Variants in OXSR1 observed in about 807,000 individuals in gnomAD.
OXSR1 encodes serine/threonine-protein kinase OSR1.
A neutral mutation model predicts 79.8 loss-of-function variants in OXSR1; 24 were observed. The ratio of observed to expected loss-of-function variants is 0.30; its 90% confidence interval spans 0.22 to 0.42. The LOEUF is 0.42. Ranked by LOEUF, OXSR1 falls within the 10% of genes least tolerant of loss-of-function variation. The probability of loss-of-function intolerance (pLI) is 1.00; values close to 1 mark genes in which losing one functional copy is unlikely to be tolerated. For synonymous variants in OXSR1, 226 were observed against 209.2 expected (o/e 1.08, Z -0.69); for missense variants, 430 against 618.4 (o/e 0.70, Z 3.23).
chr3:38,182,259 G>A (rs1220394902), intron 1 of OXSR1, among the ~76,000 whole-genome samples: 1 of 152,200 alleles, frequency 6.6e-6, no homozygotes, highest in East Asian at 1.9e-4. Context: ...CTGCTGCTAA[G>A]GGCAGATTGG....
At chr3:38,177,328 C>G (rs533774353) in intron 1 of OXSR1, among the ~76,000 whole-genome samples, 55 of 152,306 alleles carry the variant, frequency 3.6e-4, no homozygotes, top group African/African-American at 1.3e-3. Context: ...AGGATGGGAT[C>G]TGAGAGGGAG....
chr3:38,232,156 C>T (rs1702822121), intron 10 of OXSR1, among the ~76,000 whole-genome samples: 2 of 151,898 alleles, frequency 1.3e-5, no homozygotes, highest in South Asian at 2.1e-4. Flanking sequence ...TGGTGACTCA[C>T]GCTTGTAATC....
At chr3:38,246,586 G>T (rs1018979868) in intron 13 of OXSR1, among the ~76,000 whole-genome samples, 1 of 152,058 alleles carries the variant, frequency 6.6e-6, no homozygotes, top group Non-Finnish European at 1.5e-5. Context: ...GTTCACTCAG[G>T]CTTATACTTT....
At chr3:38,213,213 A>G (rs2125829756) in intron 4 of OXSR1, among the ~76,000 whole-genome samples, 1 of 152,334 alleles carries the variant, frequency 6.6e-6, no homozygotes, top group East Asian at 1.9e-4. Flanking sequence ...AAGTCTTCTC[A>G]GCATCACTGA....
intron 4 of OXSR1, among the ~76,000 whole-genome samples, chr3:38,204,119 C>T (rs1221776851): frequency 6.6e-6 from 1 of 152,194 alleles, no homozygotes; most frequent in African/African-American, 2.4e-5. Flanking sequence ...GCCACCACTG[C>T]CCCAAGCTCA....
At chr3:38,174,013 T>A (rs1220266522) in intron 1 of OXSR1, among the ~76,000 whole-genome samples, 1 of 152,128 alleles carries the variant, frequency 6.6e-6, no homozygotes, top group Non-Finnish European at 1.5e-5. Flanking sequence ...GGAAGTTTGT[T>A]CCAAGCAGAG....
At chr3:38,183,892 A>G (rs934399482) in intron 2 of OXSR1, among the ~76,000 whole-genome samples, 2 of 152,154 alleles carry the variant, frequency 1.3e-5, no homozygotes, top group Non-Finnish European at 2.9e-5. Context: ...ATTACTTATT[A>G]TTGTTTCAAA....
chr3:38,230,165 A>T (rs1000341159), intron 9 of OXSR1, among the ~76,000 whole-genome samples, 200 bp from the exon 10 acceptor site: 1 of 152,210 alleles, frequency 6.6e-6, no homozygotes, highest in African/African-American at 2.4e-5. Context: ...AGTGTACTAC[A>T]TCTTAATTTT....
intron 8 of OXSR1, among the ~76,000 whole-genome samples, chr3:38,226,364 A>G (rs1702688834): frequency 1.3e-5 from 2 of 152,182 alleles, no homozygotes; most frequent in Non-Finnish European, 2.9e-5. Flanking sequence ...AGAAGAAATC[A>G]GACCCACAAG....
intron 2 of OXSR1, among the ~76,000 whole-genome samples, chr3:38,188,511 T>A (rs1701925187): frequency 6.6e-6 from 1 of 152,214 alleles, no homozygotes; most frequent in South Asian, 2.1e-4. Context: ...CATTTCTCCA[T>A]CATCTCTCAC....
rs34714445 is a variant in OXSR1 at position 38,211,851 on chromosome 3, C to G, written c.435-4245C>G. ...CATCTAGCTGTGTGGTATTTTCCCC[C>G]TAATTTATCCAGCATCTCTTTGTGT... On this transcript the variant is annotated intron_variant, in intron 4 of 17. Transcript: ENST00000311806. Among the ~76,000 whole-genome samples the G allele has an allele frequency of 7.1e-3, 1,075 of 152,250 alleles. 18 individuals are homozygous for G. Among genetic ancestry groups the G allele is most frequent in the African/African-American group, 0.025 (1,031 of 41,540 alleles).
intron 15 of OXSR1, among the ~76,000 whole-genome samples, chr3:38,251,170 C>T (rs1207424876): frequency 6.7e-6 from 1 of 149,920 alleles, no homozygotes; most frequent in Admixed American, 6.6e-5. Flanking sequence ...TATTTGCTAC[C>T]TGGTTTATAC....
intron 14 of OXSR1, 69 bp from the exon 15 acceptor site, chr3:38,249,892 TTAATA>T: frequency 1.1e-6 from 1 of 889,840 alleles, no homozygotes; most frequent in Non-Finnish European, 1.8e-6. Flanking sequence ...CACAGCTTTC[TTAATA>T]TATGTTGGCA....
chr3:38,249,425 T>C lies in OXSR1; in HGVS notation c.1323-541T>C, dbSNP rs1031920784. On this transcript the variant is annotated intron_variant, in intron 14 of 17. Coordinates refer to ENST00000311806, the MANE Select transcript of OXSR1 (RefSeq NM_005109.3). ...GCCTACCTAAATCCTGCATATCTGT[T>C]AAGTCCTATATAAAAACTACCTCTA... Among the ~76,000 whole-genome samples, 3 of 152,260 alleles carry C rather than the reference T, an allele frequency of 2.0e-5. No homozygotes were observed. The South Asian group carries it at 6.2e-4, about 32-fold the overall frequency.
At chr3:38,227,617 C>G (rs1702718833) in intron 8 of OXSR1, among the ~76,000 whole-genome samples, 2 of 150,394 alleles carry the variant, frequency 1.3e-5, no homozygotes, top group South Asian at 4.2e-4. Flanking sequence ...ATGAACTTAC[C>G]AGGAAAGACT....
intron 8 of OXSR1, among the ~76,000 whole-genome samples, chr3:38,227,427 C>G (rs1243467434): frequency 2.0e-5 from 3 of 151,996 alleles, no homozygotes; most frequent in Non-Finnish European, 4.4e-5. Flanking sequence ...TCAGACTACA[C>G]TATACTGAGG....
Position 38,230,529 on chromosome 3 carries a change from A to C in OXSR1, c.951+99A>C, listed in dbSNP as rs1360700193. On this transcript the variant is annotated intron_variant, in intron 10 of 17. Coordinates refer to ENST00000311806, the MANE Select transcript of OXSR1 (RefSeq NM_005109.3). ...ACATTGTTAATAGTATATGAGAATT[A>C]CTGGTTTTCTGTCGATCCTTTCTAA... 3 of 800,746 alleles carry C rather than the reference A, an allele frequency of 3.7e-6. No individual in the cohort carries two copies. In the Admixed American group the frequency reaches 6.4e-5, roughly 17 times the overall value. 49.6% of individuals were successfully genotyped at this position (800,746 alleles called of 1,614,324 possible).
chr3:38,189,339 A>G (rs1701941997), intron 2 of OXSR1, among the ~76,000 whole-genome samples: 1 of 152,092 alleles, frequency 6.6e-6, no homozygotes, highest in Non-Finnish European at 1.5e-5. Context: ...TCTTATGTGT[A>G]CTTACCTTTC....
chr3:38,218,830 A>G (rs1159584559), intron 5 of OXSR1, among the ~76,000 whole-genome samples: 4 of 152,160 alleles, frequency 2.6e-5, no homozygotes, highest in African/African-American at 9.7e-5. Context: ...TACAGATAAC[A>G]CTTATTATAA....
Sources: gnomAD v4.1 joint callset for allele counts (sites outside exome capture counted in the v4.1 genomes callset) on GRCh38, gnomAD v4.1.1 for gene constraint, MANE v1.5 for transcripts, NCBI Gene and HGNC (gene_info 2026-07-23, HGNC 2026-07-21) for gene names.